Variants in PPP1R12A observed in about 807,000 individuals in gnomAD.
PPP1R12A encodes the protein protein phosphatase 1 regulatory subunit 12A, also known as myosin binding subunit.
In PPP1R12A, 19 loss-of-function variants were observed where a neutral mutation model predicts 139.6. That is an observed-to-expected ratio of 0.14 (90% CI 0.09 to 0.20). The LOEUF is 0.20. Among genes scored for constraint, PPP1R12A ranks in the 10% least tolerant of loss-of-function variants. The pLI is 1.00. For missense variants in PPP1R12A, 925 were observed against 1,211.5 expected, an observed-to-expected ratio of 0.76 and a Z score of 3.51; for synonymous variants, 427 against 420.6, an observed-to-expected ratio of 1.02 and a Z score of -0.19.
At chr12:79,841,329 C>T (rs910880467) in intron 3 of PPP1R12A, among the ~76,000 whole-genome samples, 5 of 152,198 alleles carry the variant, frequency 3.3e-5, no homozygotes. Context: ...CACTCTGAAA[C>T]CTTTCCTCAC....
At chr12:79,779,295 G>A in intron 23 of PPP1R12A, 1 of 1,287,796 alleles carries the variant, frequency 7.8e-7, no homozygotes, top group South Asian at 1.2e-5. Context: ...AGTAATTGAT[G>A]AGCTGTAAAA....
chr12:79,919,022 G>A (rs1026366509), intron 1 of PPP1R12A, among the ~76,000 whole-genome samples: 21 of 151,484 alleles, frequency 1.4e-4, no homozygotes, highest in Non-Finnish European at 2.7e-4. Context: ...AGGCTGAGGT[G>A]GGAGAATCAC....
In PPP1R12A at chr12:79,820,899, T is replaced by C. The variant is rs772490942; in HGVS notation, c.989A>G (p.Asn330Ser). The C allele has an allele frequency of 6.2e-7, 1 of 1,613,254 alleles. No individual in the cohort carries two copies. Among genetic ancestry groups the C allele is most frequent in the African/African-American group, 1.3e-5 (1 of 74,910 alleles). The change falls in exon 8 of 25, where the codon AAT (asparagine) becomes AGT (serine). Residue 330 changes from asparagine to serine, a missense_variant. Asn to Ser is a conservative substitution (Grantham distance 46, BLOSUM62 1). Coordinates refer to ENST00000450142, the MANE Select transcript of PPP1R12A (RefSeq NM_002480.3). ...TTCCAGAGATTCAATACGGGATGCA[T>C]TTTTCTCTGGTTCAATAATCAACGT... The part of the protein sequence containing the change: ...KETLIIEPEK[N>S]ASRIESLEQE...
At chr12:79,806,675 A>T (rs1298518617) in intron 12 of PPP1R12A, 3 of 192,368 alleles carry the variant, frequency 1.6e-5, no homozygotes, top group Non-Finnish European at 1.1e-5. Context: ...GGAAAACAAG[A>T]CGTTGACATT....
chr12:79,910,852 G>A (rs1199541123), intron 1 of PPP1R12A, among the ~76,000 whole-genome samples: 1 of 152,156 alleles, frequency 6.6e-6, no homozygotes, highest in Non-Finnish European at 1.5e-5. Flanking sequence ...AAGGGAAAGT[G>A]GAAAGTAAAA....
At position 79,773,569 on chromosome 12, in the gene PPP1R12A, T is replaced by C. The variant is rs1338000216; in HGVS notation, c.*2360A>G. ...ATCATAAAAAAACTAGTTCTCAGAT[T>C]CTGCATACAGACAGCTTTATGTAAA... On this transcript the variant is annotated 3_prime_UTR_variant, in exon 25 of 25. Coordinates refer to ENST00000450142, the MANE Select transcript of PPP1R12A (RefSeq NM_002480.3). 1 of 152,180 alleles carries C rather than the reference T, an allele frequency of 6.6e-6. No homozygotes were observed. The highest frequency in any genetic ancestry group is 1.9e-4 in the East Asian group (1 of 5,192). The allele number at this position is 152,180 out of a possible 1,614,324, so 9.4% of individuals were successfully genotyped here.
chr12:79,881,768 C>T (rs574226153), intron 1 of PPP1R12A, among the ~76,000 whole-genome samples: 1 of 152,282 alleles, frequency 6.6e-6, no homozygotes, highest in South Asian at 2.1e-4. Flanking sequence ...AAATCAATGC[C>T]TGGCTTCAAA....
intron 1 of PPP1R12A, among the ~76,000 whole-genome samples, chr12:79,932,818 A>T (rs1303390133): frequency 6.6e-6 from 1 of 152,110 alleles, no homozygotes; most frequent in Non-Finnish European, 1.5e-5. Context: ...AAATATCAAA[A>T]CTTTTCGTCT....
chr12:79,809,979 T>C lies in PPP1R12A; in HGVS notation c.1271A>G (p.Lys424Arg), dbSNP rs79278823. Residue 424 changes from lysine to arginine, a missense_variant, in exon 10 of 25, where the codon AAA becomes AGA. Physicochemically the swap from Lys to Arg is conservative, Grantham distance 26. Around this residue, in one of 4 missense-constraint regions of PPP1R12A, gnomAD observed 403 missense variants for 463.7 expected, o/e 0.87. Coordinates refer to ENST00000450142, the MANE Select transcript of PPP1R12A (RefSeq NM_002480.3). ...AGACTCATCTTTTCTCTCTTCTTCT[T>C]TGGGAGAAATTTTTGTAGCTGTGGT... is the stretch of plus-strand genomic sequence containing the variant. Reference protein sequence around the residue: ...FPTTATKISPKEEERKDESPA... With the variant: ...FPTTATKISPREEERKDESPA... The C allele has an allele frequency of 6.2e-7, 1 of 1,612,784 alleles. No individual in the cohort carries two copies. The highest frequency in any genetic ancestry group is 8.5e-7 in the Non-Finnish European group (1 of 1,179,484).
In PPP1R12A at chr12:79,934,872, G is replaced by A; in HGVS notation, c.60C>T (p.Ser20=). 3 of 1,611,210 alleles carry A rather than the reference G, an allele frequency of 1.9e-6. No homozygotes were observed. Among genetic ancestry groups the A allele is most frequent in the Non-Finnish European group, 2.5e-6 (3 of 1,178,856 alleles). ...RNEQLKRWIG[S]ETDLEPPVVK... ...CCACCGGAGGCTCGAGGTCCGTCTCGGAGCCGATCCAGCGTTTCAGCTGCT... is the reference window on the plus strand; with the variant it reads ...CCACCGGAGGCTCGAGGTCCGTCTCAGAGCCGATCCAGCGTTTCAGCTGCT... Residue 20 remains serine, a synonymous_variant, in exon 1 of 25, where the codon TCC becomes TCT. Coordinates refer to ENST00000450142, the MANE Select transcript of PPP1R12A (RefSeq NM_002480.3).
intron 9 of PPP1R12A, among the ~76,000 whole-genome samples, chr12:79,815,586 A>G (rs555311118): frequency 1.3e-5 from 2 of 152,218 alleles, no homozygotes; most frequent in African/African-American, 4.8e-5. Flanking sequence ...GGAATTTCTG[A>G]TAACATTATA....
intron 1 of PPP1R12A, among the ~76,000 whole-genome samples, chr12:79,893,096 C>T (rs1183907031): frequency 1.4e-5 from 2 of 146,698 alleles, no homozygotes; most frequent in Non-Finnish European, 3.0e-5. Context: ...AAAAGCAAGA[C>T]TGTGTCTCAA....
chr12:79,810,627 C>T (rs939649502), intron 9 of PPP1R12A, among the ~76,000 whole-genome samples: 1 of 152,032 alleles, frequency 6.6e-6, no homozygotes, highest in Non-Finnish European at 1.5e-5. Context: ...TTATAATTAA[C>T]CCCAATAATT....
intron 12 of PPP1R12A, 121 bp from the exon 13 acceptor site, chr12:79,806,454 A>G: frequency 2.5e-6 from 2 of 809,076 alleles, no homozygotes; most frequent in Non-Finnish European, 3.8e-6. Flanking sequence ...TCCTAAATAC[A>G]CCACCAGCTC....
chr12:79,861,754 G>A (rs1327898454), intron 2 of PPP1R12A, among the ~76,000 whole-genome samples: 1 of 152,208 alleles, frequency 6.6e-6, no homozygotes, highest in Non-Finnish European at 1.5e-5. Context: ...CGGGGGGAAA[G>A]GGCATCTGCC....
intron 2 of PPP1R12A, among the ~76,000 whole-genome samples, chr12:79,854,421 A>C (rs1880391877): frequency 6.6e-6 from 1 of 152,168 alleles, no homozygotes; most frequent in South Asian, 2.1e-4. Flanking sequence ...AGACCAATCT[A>C]AATTAATATT....
At chr12:79,838,944 A>T (rs1287790409) in intron 3 of PPP1R12A, among the ~76,000 whole-genome samples, 2 of 152,216 alleles carry the variant, frequency 1.3e-5, no homozygotes, top group Non-Finnish European at 2.9e-5. Context: ...ACCGTCTTCC[A>T]GACCCCAGAA....
In PPP1R12A at chr12:79,857,547, T is replaced by C. The variant is rs187647893; in HGVS notation, c.369-12127A>G. Among the ~76,000 whole-genome samples the C allele has an allele frequency of 3.1e-3, 466 of 151,868 alleles. 2 individuals carry two copies. Among genetic ancestry groups the C allele is most frequent in the Admixed American group, 6.0e-3 (91 of 15,274 alleles). ...GTAACTAACCTGCACATTGTGCACA[T>C]GTACCCTAGAACTTAAAGTATAATA... On this transcript the variant is annotated intron_variant, in intron 2 of 24. Transcript: ENST00000450142.
At position 79,805,763 on chromosome 12, in the gene PPP1R12A, G is replaced by A; in HGVS notation, c.1829C>T (p.Ser610Leu). Residue 610 changes from serine to leucine, a missense_variant, in exon 14 of 25, where the codon TCA (serine) becomes TTA (leucine). Ser to Leu is a moderately radical substitution (Grantham distance 145). Coordinates refer to ENST00000450142, the MANE Select transcript of PPP1R12A (RefSeq NM_002480.3). ...ACTATCCTCAGCCCACAAACGATTT[G>A]AGGTACTATAGCATCATAAGCAGCA... is the stretch of plus-strand genomic sequence containing the variant. Reference protein sequence around the residue: ...SSSAGTQSSTSNRLWAEDSTE... With the variant: ...SSSAGTQSSTLNRLWAEDSTE... 6.2e-7 allele frequency: 1 copy of A among 1,611,470 alleles called. No individual in the cohort carries two copies. Among genetic ancestry groups the A allele is most frequent in the African/African-American group, 1.3e-5 (1 of 75,004 alleles).
Sources: gnomAD v4.1 joint callset for allele counts (sites outside exome capture counted in the v4.1 genomes callset) on GRCh38, gnomAD v4.1.1 for gene constraint, gnomAD v4.1.1 regional missense constraint, MANE v1.5 for transcripts, NCBI Gene and HGNC (gene_info 2026-07-23, HGNC 2026-07-21) for gene names.